The following RNF43 variants were observed in gnomAD, a reference collection of about 807,000 sequenced individuals.
RNF43 encodes ring finger protein 43.
RNF43 carries 37 observed loss-of-function variants against 78.4 expected under a neutral mutation model. That is an observed-to-expected ratio of 0.47 (90% CI 0.36 to 0.62). The LOEUF is 0.62. Among genes scored for constraint, RNF43 ranks in the 20% least tolerant of loss-of-function variants. The probability of loss-of-function intolerance (pLI) is 0.00; values close to 1 mark genes in which losing one functional copy is unlikely to be tolerated. For missense variants in RNF43, 774 were observed against 1,007.9 expected (o/e 0.77, Z 3.14); for synonymous variants, 347 against 395.0 (o/e 0.88, Z 1.44).
At chr17:58,363,446 C>T (rs779094793) in intron 4 of RNF43, 40 bp from the exon 5 acceptor site, 5 of 1,613,818 alleles carry the variant, frequency 3.1e-6, no homozygotes, top group Admixed American at 1.7e-5. Flanking sequence ...TGTGACTTCT[C>T]CCTGCCCTTC....
chr17:58,380,451 T>C (rs1973289754), intron 2 of RNF43, among the ~76,000 whole-genome samples: 1 of 152,264 alleles, frequency 6.6e-6, no homozygotes, highest in Non-Finnish European at 1.5e-5. Flanking sequence ...CCCAATGTGC[T>C]ACTTGCAAAC....
chr17:58,374,308 A>T (rs1325906100), intron 2 of RNF43, among the ~76,000 whole-genome samples: 2 of 152,152 alleles, frequency 1.3e-5, no homozygotes, highest in Non-Finnish European at 2.9e-5. Flanking sequence ...AATTTATCTT[A>T]CTAAAGCATA....
intron 2 of RNF43, among the ~76,000 whole-genome samples, chr17:58,380,189 G>T (rs1973283841): frequency 1.3e-5 from 2 of 152,170 alleles, no homozygotes; most frequent in South Asian, 4.1e-4. Context: ...TCCCAGGAAA[G>T]ATCTTTGTCA....
At chr17:58,361,046 T>C (rs1972825843) in intron 6 of RNF43, 102 bp from the exon 7 acceptor site, 1 of 1,229,118 alleles carries the variant, frequency 8.1e-7, no homozygotes, top group African/African-American at 1.5e-5. Flanking sequence ...GTAGATCACA[T>C]GGCCAGTTGA....
chr17:58,363,643 G>A (rs2143475340), intron 3 of RNF43, 43 bp from the exon 4 acceptor site: 1 of 1,554,200 alleles, frequency 6.4e-7, no homozygotes, highest in Non-Finnish European at 8.8e-7. Flanking sequence ...GTCAGGGAAG[G>A]ACAGAGCCCA....
chr17:58,388,955 G>A (rs1267577201), intron 2 of RNF43, among the ~76,000 whole-genome samples: 2 of 152,194 alleles, frequency 1.3e-5, no homozygotes, highest in African/African-American at 2.4e-5. Flanking sequence ...AGCTGAGGTA[G>A]GATCAAATTA....
chr17:58,371,166 G>T, intron 2 of RNF43, 133 bp from the exon 3 acceptor site: 2 of 858,252 alleles, frequency 2.3e-6, no homozygotes, highest in Non-Finnish European at 1.7e-6. Context: ...TAGGCCTTAT[G>T]ATTGGATTGC....
chr17:58,406,752 A>G (rs1226365624), intron 2 of RNF43, among the ~76,000 whole-genome samples: 1 of 151,380 alleles, frequency 6.6e-6, no homozygotes, highest in East Asian at 1.9e-4. Flanking sequence ...ATGGAAATCT[A>G]TACTTTTTTT....
Position 58,415,406 on chromosome 17 carries a change from T to G in RNF43, c.172A>C (p.Thr58Pro). The G allele has an allele frequency of 6.2e-7, 1 of 1,614,192 alleles. No homozygotes were observed. Among genetic ancestry groups the G allele is most frequent in the Non-Finnish European group, 8.5e-7 (1 of 1,179,984 alleles). Residue 58 changes from threonine (T) to proline (P), a missense_variant, in exon 2 of 10, where the codon ACA becomes CCA. Thr to Pro is a conservative substitution (Grantham distance 38). Transcript: ENST00000407977. ...TCCAAAGTGAGATTCAGTTTTCCTGTGGGGTCCATTTTCAAGGGGATCACT... is the reference window on the plus strand; with the variant it reads ...TCCAAAGTGAGATTCAGTTTTCCTGGGGGGTCCATTTTCAAGGGGATCACT... ...IRVIPLKMDP[T>P]GKLNLTLEGV...
intron 2 of RNF43, among the ~76,000 whole-genome samples, chr17:58,373,492 A>T (rs1297627891): frequency 6.6e-6 from 1 of 152,234 alleles, no homozygotes; most frequent in Non-Finnish European, 1.5e-5. Context: ...TTTCACCATA[A>T]GGTAGGTGTT....
chr17:58,353,799 G>A lies in RNF43; in HGVS notation c.*1144C>T, dbSNP rs1287429756. The A allele has an allele frequency of 2.0e-5, 4 of 202,730 alleles. No individual in the cohort carries two copies. The highest frequency in any genetic ancestry group is 4.1e-5 in the Non-Finnish European group (4 of 98,464). 12.6% of individuals were successfully genotyped at this position (202,730 alleles called of 1,614,324 possible). Reference sequence around the variant, plus strand: ...AGGTGCTAGTCTCCCCACTAACTGAGGGAAAAAGGTTCCCAGGTGGGGTCC... The same window carrying A: ...AGGTGCTAGTCTCCCCACTAACTGAAGGAAAAAGGTTCCCAGGTGGGGTCC... On this transcript the variant is annotated 3_prime_UTR_variant, in exon 10 of 10. Coordinates refer to ENST00000407977, the MANE Select transcript of RNF43 (RefSeq NM_017763.6).
At chr17:58,366,733 G>A (rs1004460254) in intron 3 of RNF43, among the ~76,000 whole-genome samples, 7 of 152,278 alleles carry the variant, frequency 4.6e-5, no homozygotes, top group Non-Finnish European at 1.0e-4. Context: ...GTTGTTATGA[G>A]GACTACATAA....
At position 58,357,791 on chromosome 17, in the gene RNF43, T is replaced by C. The variant is rs2143393972; in HGVS notation, c.1985A>G (p.Glu662Gly). 6.2e-7 allele frequency: 1 copy of C among 1,614,034 alleles called. No homozygotes were observed. Among genetic ancestry groups the C allele is most frequent in the Non-Finnish European group, 8.5e-7 (1 of 1,179,970 alleles). The stretch of plus-strand genomic sequence containing the variant: ...CTGGGGCCGAGAGCCAGGGGTGGGC[T>C]CGGAGGGACCCCCCCGCCTTTTCCT... ...PQRKRRGGPS[E>G]PTPGSRPQDA... is the part of the protein sequence containing the mutation. Residue 662 changes from glutamate (E) to glycine (G), a missense_variant, in exon 9 of 10, where the codon GAG becomes GGG. Physicochemically the swap from Glu to Gly is moderately conservative, Grantham distance 98 (BLOSUM62 -2). Coordinates refer to ENST00000407977, the MANE Select transcript of RNF43 (RefSeq NM_017763.6). The surrounding 1 kb of genome is among the most constrained non-coding windows in gnomAD (Gnocchi z 4.5).
At chr17:58,355,319 C>A (rs1268401185) in intron 9 of RNF43, among the ~76,000 whole-genome samples, 1 of 152,132 alleles carries the variant, frequency 6.6e-6, no homozygotes, top group East Asian at 1.9e-4. Context: ...GACCTGGTAA[C>A]CTTTTTGGAG....
intron 2 of RNF43, among the ~76,000 whole-genome samples, chr17:58,403,201 G>A: frequency 6.6e-6 from 1 of 152,146 alleles, no homozygotes; most frequent in East Asian, 1.9e-4. Flanking sequence ...AGGAAGAATA[G>A]AGACTTAGTT....
intron 2 of RNF43, among the ~76,000 whole-genome samples, chr17:58,378,132 A>G (rs150851542): frequency 5.3e-4 from 81 of 152,300 alleles, no homozygotes; most frequent in African/African-American, 1.8e-3. Context: ...AGATTTGGGA[A>G]CCTCAAGACC....
chr17:58,360,857 A>C lies in RNF43; in HGVS notation c.775T>G (p.Trp259Gly), dbSNP rs546647213. The C allele has an allele frequency of 6.2e-7, 1 of 1,612,138 alleles. No homozygotes were observed. The highest frequency in any genetic ancestry group is 2.2e-5 in the East Asian group (1 of 44,668). ...CTGCAGCTGCTCCCTGAGTCTGGCCACTCACCCCGGGCCTGCCTGCAGCTG... is the reference window on the plus strand; with the variant it reads ...CTGCAGCTGCTCCCTGAGTCTGGCCCCTCACCCCGGGCCTGCCTGCAGCTG... ...QASCRQARGE[W>G]PDSGSSCSSA... The change falls in exon 7 of 10, where the codon TGG (tryptophan) becomes GGG (glycine). Residue 259 changes from tryptophan to glycine, a missense_variant. Trp to Gly is a radical substitution (Grantham distance 184, BLOSUM62 -2). Transcript: ENST00000407977. The surrounding 1 kb of genome is among the most constrained non-coding windows in gnomAD (Gnocchi z 4.3).
chr17:58,354,047 A>G lies in RNF43; in HGVS notation c.*896T>C, dbSNP rs984481017. ...TCTGGGCTGTCCAAACCCAAGGGTC[A>G]CACTTTGCTTTTCCTTTGTTGTCCC... On this transcript the variant is annotated 3_prime_UTR_variant, in exon 10 of 10. Coordinates refer to ENST00000407977, the MANE Select transcript of RNF43 (RefSeq NM_017763.6). 1.6e-5 allele frequency: 3 copies of G among 192,360 alleles called. No homozygotes were observed. Among genetic ancestry groups the G allele is most frequent in the Admixed American group, 6.1e-5 (1 of 16,338 alleles). 11.9% of individuals were successfully genotyped at this position (192,360 alleles called of 1,614,324 possible).
At chr17:58,394,439 T>C (rs1973630518) in intron 2 of RNF43, among the ~76,000 whole-genome samples, 1 of 152,216 alleles carries the variant, frequency 6.6e-6, no homozygotes, top group Non-Finnish European at 1.5e-5. Flanking sequence ...GAGTATTATG[T>C]AAATGAAGAG....
Sources: allele counts gnomAD v4.1 joint callset (sites outside exome capture counted in the v4.1 genomes callset), GRCh38; gene constraint gnomAD v4.1.1; non-coding constraint Gnocchi (gnomAD v3.1); transcripts MANE v1.5; gene names NCBI Gene and HGNC (gene_info 2026-07-23, HGNC 2026-07-21).